Variants in MACROD2 observed in about 807,000 individuals in gnomAD.
MACROD2 encodes mono-ADP ribosylhydrolase 2, also known as ADP-ribose glycohydrolase MACROD2.
Under a neutral mutation model 70.4 loss-of-function variants are expected in MACROD2, and 36 were observed. The observed-to-expected ratio is 0.51, with a 90% confidence interval of 0.39 to 0.68. MACROD2 has a LOEUF of 0.68. MACROD2 is among the 30% of genes least tolerant of loss of function. The probability of loss-of-function intolerance (pLI) is 0.00; values close to 1 mark genes in which losing one functional copy is unlikely to be tolerated. For synonymous variants in MACROD2, 172 were observed against 178.8 expected, an observed-to-expected ratio of 0.96 and a Z score of 0.30; for missense variants, 496 against 538.4, an observed-to-expected ratio of 0.92 and a Z score of 0.78.
chr20:15,943,848 T>C (rs191561271), intron 12 of MACROD2, among the ~76,000 whole-genome samples: 350 of 152,252 alleles, frequency 2.3e-3, no homozygotes, highest in African/African-American at 8.2e-3. Context: ...ATCTTTATTG[T>C]AAAATATTTT....
chr20:14,460,545 A>C (rs1600259915), intron 3 of MACROD2, among the ~76,000 whole-genome samples: 2 of 152,114 alleles, frequency 1.3e-5, no homozygotes, highest in Non-Finnish European at 2.9e-5. Flanking sequence ...TGTCAGTATG[A>C]TATTGGCTGT....
chr20:15,278,423 G>T (rs930476968), intron 6 of MACROD2, among the ~76,000 whole-genome samples: 1 of 152,128 alleles, frequency 6.6e-6, no homozygotes, highest in African/African-American at 2.4e-5. Context: ...GCAGAATGAG[G>T]GTATGTGGAA....
chr20:15,222,318 A>G (rs868015991), intron 5 of MACROD2, among the ~76,000 whole-genome samples: 12 of 152,346 alleles, frequency 7.9e-5, no homozygotes, highest in South Asian at 6.2e-4. Context: ...TTGAAATATA[A>G]TAAAAACAAA....
chr20:15,670,992 A>G (rs1369047865), intron 8 of MACROD2, among the ~76,000 whole-genome samples: 3 of 152,236 alleles, frequency 2.0e-5, no homozygotes, highest in African/African-American at 4.8e-5. Context: ...TTGCTGTATA[A>G]CAAAACAACT....
intron 8 of MACROD2, among the ~76,000 whole-genome samples, chr20:15,750,294 T>A (rs1314348961): frequency 1.3e-5 from 2 of 151,978 alleles, no homozygotes; most frequent in Non-Finnish European, 2.9e-5. Context: ...TAAACCACCA[T>A]CAGATACCAC....
At chr20:14,720,672 G>C (rs1290244579) in intron 5 of MACROD2, among the ~76,000 whole-genome samples, 3 of 147,420 alleles carry the variant, frequency 2.0e-5, no homozygotes, top group Non-Finnish European at 3.0e-5. Context: ...TCCTGCCTCA[G>C]CTTCCTCTGT....
At chr20:15,145,326 T>C (rs1657969) in intron 5 of MACROD2, among the ~76,000 whole-genome samples, 89,605 of 151,984 alleles carry the variant, frequency 0.59, 26,552 homozygotes, top group East Asian at 0.65. Flanking sequence ...CTTTTCCAAA[T>C]TGAAGTTCAT....
At chr20:15,678,072 A>C (rs902513091) in intron 8 of MACROD2, among the ~76,000 whole-genome samples, 1 of 151,452 alleles carries the variant, frequency 6.6e-6, no homozygotes, top group Non-Finnish European at 1.5e-5. Context: ...TGAAAAAAAA[A>C]ATGTATTTCA....
rs73898331 is a variant in MACROD2, at chr20:16,024,306, C to T, written c.1154-16895C>T. 5.9e-3 allele frequency among the ~76,000 whole-genome samples: 894 copies of T among 152,220 alleles called. 11 individuals are homozygous for T. The highest frequency in any genetic ancestry group is 0.021 in the African/African-American group (869 of 41,532). On this transcript the variant is annotated intron_variant, in intron 15 of 17. Transcript: ENST00000684519. ...TCTCTGTCTGAATGTGGCTTCAATC[C>T]AGATTAATAGCAATTGTAAGGCTAT... is the stretch of plus-strand genomic sequence containing the variant.
chr20:15,280,499 T>G (rs1188968703), intron 6 of MACROD2, among the ~76,000 whole-genome samples: 1 of 152,178 alleles, frequency 6.6e-6, no homozygotes, highest in African/African-American at 2.4e-5. Context: ...AGTCCATATT[T>G]TTGCTACAGA....
At chr20:14,150,286 C>T (rs1010408400) in intron 3 of MACROD2, among the ~76,000 whole-genome samples, 2 of 152,288 alleles carry the variant, frequency 1.3e-5, no homozygotes, top group Non-Finnish European at 2.9e-5. Flanking sequence ...AGGGTTCTTA[C>T]ATGAGGTTTG....
intron 3 of MACROD2, among the ~76,000 whole-genome samples, chr20:14,390,363 T>G (rs2083513521): frequency 6.6e-6 from 1 of 152,134 alleles, no homozygotes; most frequent in Non-Finnish European, 1.5e-5. Context: ...AAACTACCAT[T>G]GACATTCTTC....
At chr20:14,170,789 T>C (rs960000216) in intron 3 of MACROD2, among the ~76,000 whole-genome samples, 1 of 152,148 alleles carries the variant, frequency 6.6e-6, no homozygotes. Flanking sequence ...TCATTAGGGA[T>C]ATTGGGCCTT....
chr20:14,802,747 T>G (rs1468009640), intron 5 of MACROD2, among the ~76,000 whole-genome samples: 1 of 145,606 alleles, frequency 6.9e-6, no homozygotes, highest in East Asian at 2.0e-4. Flanking sequence ...TTTCTTTGTA[T>G]TTCTCTTAAC....
intron 6 of MACROD2, among the ~76,000 whole-genome samples, chr20:15,234,009 ATTCTTTTTTTTTTTTT>A (rs2076987784): frequency 3.8e-4 from 15 of 39,986 alleles, no homozygotes; most frequent in South Asian, 1.1e-3. Context: ...ATATATATAT[ATTCTTTTTTTTTTTTT>A]TTTTTTTTTT....
chr20:15,032,394 C>T (rs568861312), intron 5 of MACROD2, among the ~76,000 whole-genome samples: 1 of 152,338 alleles, frequency 6.6e-6, no homozygotes, highest in Non-Finnish European at 1.5e-5. Context: ...TTGCAGCGGA[C>T]GCTCCAGATG....
At chr20:15,231,869 G>T (rs528157525) in intron 6 of MACROD2, among the ~76,000 whole-genome samples, 3 of 151,952 alleles carry the variant, frequency 2.0e-5, no homozygotes, top group Non-Finnish European at 4.4e-5. Context: ...TTACTTGAAT[G>T]AAATTAGCAG....
chr20:15,421,259 T>A (rs763971736), intron 6 of MACROD2, among the ~76,000 whole-genome samples: 2 of 151,904 alleles, frequency 1.3e-5, no homozygotes, highest in Non-Finnish European at 2.9e-5. Context: ...GCACCTGTAG[T>A]CCCAGCTATT....
chr20:14,427,717 G>T (rs1399318099), intron 3 of MACROD2, among the ~76,000 whole-genome samples: 1 of 152,026 alleles, frequency 6.6e-6, no homozygotes, highest in African/African-American at 2.4e-5. Context: ...CAAAGGTCTG[G>T]AAAACATCCT....
Sources: gnomAD v4.1 joint callset for allele counts (sites outside exome capture counted in the v4.1 genomes callset) on GRCh38, gnomAD v4.1.1 for gene constraint, MANE v1.5 for transcripts, NCBI Gene and HGNC (gene_info 2026-07-23, HGNC 2026-07-21) for gene names.